The following KCNIP4 variants were observed in gnomAD, a reference collection of about 807,000 sequenced individuals.
The protein encoded by KCNIP4 is potassium voltage-gated channel interacting protein 4, also known as Kv channel-interacting protein 4.
A neutral mutation model predicts 34.0 loss-of-function variants in KCNIP4; 12 were observed. The observed-to-expected ratio is 0.35, with a 90% CI of 0.23 to 0.57. The LOEUF (loss-of-function observed/expected upper bound fraction) is 0.57, where lower values mean the gene tolerates loss of function less well. Ranked by LOEUF, KCNIP4 falls within the 20% of genes least tolerant of loss-of-function variation. KCNIP4 has a pLI of 0.83. For synonymous variants in KCNIP4, 124 were observed against 102.2 expected (o/e 1.21, Z -1.29); for missense variants, 238 against 311.7 (o/e 0.76, Z 1.78).
chr4:21,627,297 T>C (rs981759799), intron 1 of KCNIP4, among the ~76,000 whole-genome samples: 11 of 152,154 alleles, frequency 7.2e-5, no homozygotes, highest in Non-Finnish European at 1.5e-4. Context: ...TTATAAACTA[T>C]GGTTTGGTTG....
intron 1 of KCNIP4, among the ~76,000 whole-genome samples, chr4:21,566,469 C>T (rs1261747434): frequency 6.6e-6 from 1 of 152,058 alleles, no homozygotes; most frequent in Non-Finnish European, 1.5e-5. Context: ...ATAGCACCTC[C>T]CCCTTCGCTC....
intron 1 of KCNIP4, among the ~76,000 whole-genome samples, chr4:20,947,056 G>C (rs1732264018): frequency 6.6e-6 from 1 of 152,134 alleles, no homozygotes; most frequent in African/African-American, 2.4e-5. Flanking sequence ...TACCTTCTTT[G>C]CTCCCCTAAG....
At chr4:21,285,220 G>C (rs1192944830) in intron 1 of KCNIP4, among the ~76,000 whole-genome samples, 2 of 152,022 alleles carry the variant, frequency 1.3e-5, no homozygotes, top group Non-Finnish European at 2.9e-5. Flanking sequence ...TATTTAAATA[G>C]TGTCTGAGGA....
At chr4:20,810,641 C>T (rs1160128037) in intron 3 of KCNIP4, among the ~76,000 whole-genome samples, 2 of 152,118 alleles carry the variant, frequency 1.3e-5, no homozygotes, top group Non-Finnish European at 2.9e-5. Context: ...CATCTCATAA[C>T]ATTTTATTCC....
intron 1 of KCNIP4, among the ~76,000 whole-genome samples, chr4:21,551,263 T>C (rs1310213120): frequency 6.6e-6 from 1 of 152,138 alleles, no homozygotes; most frequent in Non-Finnish European, 1.5e-5. Context: ...CCCATTTAGA[T>C]TATTCAAAAG....
chr4:21,230,294 G>A lies in KCNIP4; in HGVS notation c.62-347585C>T, dbSNP rs527641782. On this transcript the variant is annotated intron_variant, in intron 1 of 8. Coordinates refer to ENST00000382152, the MANE Select transcript of KCNIP4 (RefSeq NM_025221.6). ...TCATTCCCCTGCTTGTGCTTTCCAG[G>A]TTTGTTCTCAGACTTGCAGCCTCCA... Among the ~76,000 whole-genome samples, 19 of 152,162 alleles carry A rather than the reference G, an allele frequency of 1.2e-4. No individual in the cohort carries two copies. In the South Asian group the frequency reaches 3.9e-3, roughly 32 times the overall value.
At chr4:20,930,145 T>A (rs1359406236) in intron 1 of KCNIP4, among the ~76,000 whole-genome samples, 2 of 151,796 alleles carry the variant, frequency 1.3e-5, no homozygotes, top group Non-Finnish European at 2.9e-5. Context: ...GCTACAGTAA[T>A]CAAAAACAGT....
At chr4:20,877,510 C>T (rs1577300430) in intron 2 of KCNIP4, among the ~76,000 whole-genome samples, 1 of 151,962 alleles carries the variant, frequency 6.6e-6, no homozygotes, top group East Asian at 1.9e-4. Context: ...TTTTCAGAAG[C>T]TCTGTGATTT....
chr4:21,391,755 T>G (rs1722579802), intron 1 of KCNIP4, among the ~76,000 whole-genome samples: 1 of 152,200 alleles, frequency 6.6e-6, no homozygotes, highest in African/African-American at 2.4e-5. Flanking sequence ...AAAGTCTTCA[T>G]CAGCTGTGCT....
At chr4:21,844,321 A>G (rs1316709467) in intron 1 of KCNIP4, 1 of 152,148 alleles carries the variant, frequency 6.6e-6, no homozygotes, top group Non-Finnish European at 1.5e-5. Context: ...TACATTTTGT[A>G]TACGTTATAT....
At chr4:21,011,127 A>G (rs963598712) in intron 1 of KCNIP4, among the ~76,000 whole-genome samples, 38 of 152,216 alleles carry the variant, frequency 2.5e-4, no homozygotes, top group African/African-American at 9.2e-4. Context: ...GAGGAGGAGG[A>G]AAATACAGTC....
At chr4:20,999,716 A>G (rs1208779534) in intron 1 of KCNIP4, among the ~76,000 whole-genome samples, 1 of 152,090 alleles carries the variant, frequency 6.6e-6, no homozygotes, top group Non-Finnish European at 1.5e-5. Context: ...AAATCTATAG[A>G]TATTGAAAAC....
chr4:20,999,357 C>CT (rs1737851100), intron 1 of KCNIP4, among the ~76,000 whole-genome samples: 1 of 149,112 alleles, frequency 6.7e-6, no homozygotes, highest in Non-Finnish European at 1.5e-5. Context: ...GTAAACAGGA[C>CT]ACAGATCACG....
chr4:20,743,479 A>G (rs1490395135), intron 5 of KCNIP4, among the ~76,000 whole-genome samples: 2 of 152,182 alleles, frequency 1.3e-5, no homozygotes, highest in African/African-American at 4.8e-5. Context: ...ATCTACAACC[A>G]TCTGATCTTT....
chr4:21,075,742 C>G (rs1025980124), intron 1 of KCNIP4, among the ~76,000 whole-genome samples: 3 of 152,180 alleles, frequency 2.0e-5, no homozygotes, highest in Non-Finnish European at 4.4e-5. Context: ...CATCGATGGT[C>G]TTTACAATTT....
rs1199915734 is a variant in KCNIP4 at position 21,826,930 on chromosome 4, AG to A, written c.61+121640del. The stretch of plus-strand genomic sequence containing the variant: ...GAAGGGAGCTTGAAAAACTTTTCTG[AG>A]GCTGTTTCCACAATAGAAGTTTTAA... On this transcript the variant is annotated intron_variant, in intron 1 of 8. Transcript: ENST00000382152. 1.1e-4 allele frequency among the ~76,000 whole-genome samples: 16 copies of A among 152,192 alleles called. No homozygotes were observed. In the East Asian group the frequency reaches 3.1e-3, roughly 29 times the overall value.
chr4:21,313,993 G>A (rs933171485), intron 1 of KCNIP4, among the ~76,000 whole-genome samples: 3 of 152,206 alleles, frequency 2.0e-5, no homozygotes, highest in Non-Finnish European at 2.9e-5. Flanking sequence ...AAATCAAGAT[G>A]TAGGCTCGGG....
chr4:21,602,028 G>A (rs1032950634), intron 1 of KCNIP4, among the ~76,000 whole-genome samples: 2 of 152,046 alleles, frequency 1.3e-5, no homozygotes, highest in African/African-American at 4.8e-5. Flanking sequence ...CCTCCCCAAC[G>A]CAATTGTAAG....
rs199526955 is a variant in KCNIP4, at chr4:21,862,893, G to A, written c.61+85678C>T. The stretch of plus-strand genomic sequence containing the variant: ...GGAGAATGGCGTGAACCCGGGAGGC[G>A]GAGCTTGCAGTGAGCCCAGATCGCG... On this transcript the variant is annotated intron_variant, in intron 1 of 8. Coordinates refer to ENST00000382152, the MANE Select transcript of KCNIP4 (RefSeq NM_025221.6). Among the ~76,000 whole-genome samples the A allele has an allele frequency of 2.8e-4, 42 of 151,282 alleles. No individual in the cohort carries two copies. The East Asian group carries it at 7.1e-3, about 26-fold the overall frequency.
Sources: allele counts gnomAD v4.1 joint callset (sites outside exome capture counted in the v4.1 genomes callset), GRCh38; gene constraint gnomAD v4.1.1; transcripts MANE v1.5; gene names NCBI Gene and HGNC (gene_info 2026-07-23, HGNC 2026-07-21).